Variants in RAB11FIP4 observed in about 807,000 individuals in gnomAD.
The protein encoded by RAB11FIP4 is RAB11 family interacting protein 4, also known as rab11 family-interacting protein 4.
Under a neutral mutation model 74.3 loss-of-function variants are expected in RAB11FIP4, and 23 were observed. That is an observed-to-expected ratio of 0.31 (90% CI 0.22 to 0.44). The LOEUF is 0.44. Among genes scored for constraint, RAB11FIP4 ranks in the 20% least tolerant of loss-of-function variants. The pLI is 1.00. For synonymous variants in RAB11FIP4, 360 were observed against 359.9 expected (o/e 1.00, Z 0.00); for missense variants, 630 against 863.9 (o/e 0.73, Z 3.39).
chr17:31,530,356 G>T lies in RAB11FIP4; in HGVS notation c.1684G>T (p.Asp562Tyr). The change falls in exon 14 of 15, where the codon GAC (aspartate) becomes TAC (tyrosine). Residue 562 changes from aspartate (D) to tyrosine (Y), a missense_variant. Physicochemically the swap from Asp to Tyr is radical, Grantham distance 160 (BLOSUM62 -3). Transcript: ENST00000621161. ...ENYKLRDQND[D>Y]LNGQILSLSL... ...TTATAAGCTGCGGGATCAGAACGACGACTTGAATGGGCAGATTTTGAGCCT... is the reference window on the plus strand; with the variant it reads ...TTATAAGCTGCGGGATCAGAACGACTACTTGAATGGGCAGATTTTGAGCCT... The T allele has an allele frequency of 1.9e-6, 3 of 1,614,156 alleles. No individual in the cohort carries two copies. The highest frequency in any genetic ancestry group is 2.5e-6 in the Non-Finnish European group (3 of 1,180,020).
At chr17:31,410,551 TA>T (rs1277627963) in intron 1 of RAB11FIP4, among the ~76,000 whole-genome samples, 1 of 151,690 alleles carries the variant, frequency 6.6e-6, no homozygotes, top group African/African-American at 2.4e-5. Flanking sequence ...CTGTCTCTAC[TA>T]AAAATACAGA....
chr17:31,407,138 A>G (rs2071050914), intron 1 of RAB11FIP4, among the ~76,000 whole-genome samples: 1 of 142,010 alleles, frequency 7.0e-6, no homozygotes, highest in Admixed American at 7.9e-5. Flanking sequence ...TGCAGCCTCA[A>G]CTTCCTGGGC....
intron 1 of RAB11FIP4, among the ~76,000 whole-genome samples, chr17:31,410,068 A>G (rs1314456149): frequency 2.6e-5 from 4 of 152,182 alleles, no homozygotes; most frequent in Non-Finnish European, 4.4e-5. Context: ...GGGATGCGAT[A>G]CTGTTCCCCT....
chr17:31,522,044 C>T lies in RAB11FIP4; in HGVS notation c.888C>T (p.Ala296=), dbSNP rs767239142. 3 of 1,614,050 alleles carry T rather than the reference C, an allele frequency of 1.9e-6. No individual in the cohort carries two copies. The South Asian group carries it at 3.3e-5, about 18-fold the overall frequency. Residue 296 remains alanine, a synonymous_variant, in exon 6 of 15, where the codon GCC becomes GCT. Transcript: ENST00000621161. ...AAGCCCGACTGAAAAACCTGAAGGC[C>T]AACAGGTGAGGCCCAGGCCCAGCTG... The part of the protein sequence containing the change: ...DLEARLKNLK[A]NSPNRKISST...
In RAB11FIP4 at chr17:31,533,037, G is replaced by C. The variant is rs929075840; in HGVS notation, c.*1305G>C. 6.6e-6 allele frequency: 1 copy of C among 152,066 alleles called. No homozygotes were observed. The highest frequency in any genetic ancestry group is 1.5e-5 in the Non-Finnish European group (1 of 68,032). 9.4% of individuals were successfully genotyped at this position (152,066 alleles called of 1,614,324 possible). On this transcript the variant is annotated 3_prime_UTR_variant, in exon 15 of 15. Transcript: ENST00000621161. ...TTTCTTAATCCAAATATATATAAAC[G>C]TGTGTGGTCTTATTCTTCCCCCTGC...
chr17:31,511,019 T>G (rs2072442425), intron 3 of RAB11FIP4, among the ~76,000 whole-genome samples: 1 of 151,394 alleles, frequency 6.6e-6, no homozygotes. Flanking sequence ...TGTTGTTGTT[T>G]TTGTGTTTTT....
At chr17:31,465,299 T>C (rs1326059503) in intron 3 of RAB11FIP4, among the ~76,000 whole-genome samples, 2 of 151,946 alleles carry the variant, frequency 1.3e-5, no homozygotes, top group Non-Finnish European at 2.9e-5. Context: ...AAATGCAGAT[T>C]CCTAGGCCCC....
At chr17:31,455,432 G>A (rs1372443827) in intron 3 of RAB11FIP4, among the ~76,000 whole-genome samples, 1 of 152,172 alleles carries the variant, frequency 6.6e-6, no homozygotes, top group Non-Finnish European at 1.5e-5. Context: ...GGCACCTAAG[G>A]GGAGGGCAGA....
intron 3 of RAB11FIP4, among the ~76,000 whole-genome samples, chr17:31,503,280 A>G (rs1174608063): frequency 2.0e-5 from 3 of 149,402 alleles, no homozygotes; most frequent in Admixed American, 6.6e-5. Flanking sequence ...TGATCCACCC[A>G]CCTCGACCTC....
intron 3 of RAB11FIP4, chr17:31,487,960 GC>G (rs2071928469): frequency 1.3e-6 from 1 of 787,548 alleles, no homozygotes; most frequent in Non-Finnish European, 1.5e-6. Flanking sequence ...CCTGTCCTCC[GC>G]CCCCGCCCCC....
intron 1 of RAB11FIP4, among the ~76,000 whole-genome samples, chr17:31,405,362 A>C (rs891567122): frequency 5.9e-5 from 9 of 151,628 alleles, no homozygotes; most frequent in African/African-American, 9.7e-5. Context: ...AATCATTTGA[A>C]GGGCAGCTGA....
At chr17:31,474,541 C>G (rs2071770217) in intron 3 of RAB11FIP4, among the ~76,000 whole-genome samples, 1 of 151,990 alleles carries the variant, frequency 6.6e-6, no homozygotes, top group Non-Finnish European at 1.5e-5. Flanking sequence ...TGTGGTGGTG[C>G]ATGCCTGTAG....
chr17:31,426,155 AGT>A (rs2071247411), intron 1 of RAB11FIP4, among the ~76,000 whole-genome samples: 1 of 152,206 alleles, frequency 6.6e-6, no homozygotes, highest in Non-Finnish European at 1.5e-5. Context: ...AGAACACTTT[AGT>A]GCAGACAGCC....
chr17:31,414,048 C>T (rs1027524666), intron 1 of RAB11FIP4, among the ~76,000 whole-genome samples: 1 of 152,172 alleles, frequency 6.6e-6, no homozygotes, highest in African/African-American at 2.4e-5. Flanking sequence ...GTGTCAGCTG[C>T]CAGGCTGTCT....
chr17:31,458,312 C>T (rs925473959), intron 3 of RAB11FIP4, among the ~76,000 whole-genome samples: 1 of 152,230 alleles, frequency 6.6e-6, no homozygotes, highest in Non-Finnish European at 1.5e-5. Flanking sequence ...AGCTTGGGAG[C>T]TGCGCATCAG....
chr17:31,474,102 A>T lies in RAB11FIP4; in HGVS notation c.336+39980A>T, dbSNP rs115060545. On this transcript the variant is annotated intron_variant, in intron 3 of 14. Transcript: ENST00000621161. ...GCTCATTGCAGCTGCAATGCAATCC[A>T]CTTCTCCCTCTGCCCATCCTGCATC... Among the ~76,000 whole-genome samples the T allele has an allele frequency of 4.1e-3, 623 of 152,118 alleles. 8 individuals are homozygous for T. Among genetic ancestry groups the T allele is most frequent in the African/African-American group, 0.014 (587 of 41,488 alleles).
At chr17:31,438,691 C>T (rs933707299) in intron 3 of RAB11FIP4, among the ~76,000 whole-genome samples, 2 of 152,200 alleles carry the variant, frequency 1.3e-5, no homozygotes, top group Admixed American at 6.5e-5. Context: ...ACACCTAAAA[C>T]TGGCGATACC....
At position 31,513,171 on chromosome 17, in the gene RAB11FIP4, C is replaced by T. The variant is rs372373498; in HGVS notation, c.337-4480C>T. Among the ~76,000 whole-genome samples the T allele has an allele frequency of 5.4e-4, 82 of 152,194 alleles. 1 individual carries two copies. Among genetic ancestry groups the T allele is most frequent in the Middle Eastern group, 6.8e-3 (2 of 294 alleles). On this transcript the variant is annotated intron_variant, in intron 3 of 14. Transcript: ENST00000621161. ...TGGAAGTATGCTCAACAGGGGGCTC[C>T]GCGTGATTCTTACCTGCAGGCAGCC...
At chr17:31,405,649 C>T (rs2151617097) in intron 1 of RAB11FIP4, among the ~76,000 whole-genome samples, 1 of 152,266 alleles carries the variant, frequency 6.6e-6, no homozygotes, top group East Asian at 1.9e-4. Context: ...CTACCGCACC[C>T]AGCCTGCTCT....
Sources: gnomAD v4.1 joint callset for allele counts (sites outside exome capture counted in the v4.1 genomes callset) on GRCh38, gnomAD v4.1.1 for gene constraint, MANE v1.5 for transcripts, NCBI Gene and HGNC (gene_info 2026-07-23, HGNC 2026-07-21) for gene names.